Variants in CCDC88A observed in about 807,000 individuals in gnomAD.
CCDC88A encodes the protein coiled-coil and HOOK domain protein 88A.
Under a neutral mutation model 234.3 loss-of-function variants are expected in CCDC88A, and 54 were observed. The ratio of observed to expected loss-of-function variants is 0.23; its 90% CI spans 0.19 to 0.29. The LOEUF is 0.29. Among genes scored for constraint, CCDC88A ranks in the 10% least tolerant of loss-of-function variants. CCDC88A has a pLI of 1.00. For synonymous variants in CCDC88A, 753 were observed against 737.8 expected (o/e 1.02, Z -0.33); for missense variants, 1,832 against 2,123.4 (o/e 0.86, Z 2.70).
Position 55,374,904 on chromosome 2 carries a change from CT to C in CCDC88A, c.274-22del, listed in dbSNP as rs763232303. On this transcript the variant is annotated intron_variant, in intron 3 of 32. Coordinates refer to ENST00000436346, the MANE Select transcript of CCDC88A (RefSeq NM_001365480.1). ...GTCTCCTGTAAAAAAATATCCAACA[CT>C]TGTTATATGGGTAATGCTAACTAGA... The C allele has an allele frequency of 8.8e-6, 13 of 1,475,960 alleles. No homozygotes were observed. In the East Asian group the frequency reaches 3.0e-4, roughly 34 times the overall value. The allele number at this position is 1,475,960 out of a possible 1,614,324, so 91.4% of individuals were successfully genotyped here. A position where few individuals can be genotyped will look rare whatever the true frequency, so the allele number is the denominator to read the frequency against.
chr2:55,318,647 G>T (rs1683250390), intron 19 of CCDC88A, among the ~76,000 whole-genome samples, 196 bp downstream of exon 19: 1 of 152,104 alleles, frequency 6.6e-6, no homozygotes, highest in Non-Finnish European at 1.5e-5. Flanking sequence ...TCTTTATTCA[G>T]ATGTATTGAC....
At chr2:55,318,424 G>A (rs1396145160) in intron 19 of CCDC88A, among the ~76,000 whole-genome samples, 2 of 152,048 alleles carry the variant, frequency 1.3e-5, no homozygotes, top group Non-Finnish European at 2.9e-5. Flanking sequence ...GACACTGGCG[G>A]TGTTAAGTGA....
At chr2:55,336,640 A>T in intron 14 of CCDC88A, 41 bp downstream of exon 14, 1 of 1,307,852 alleles carries the variant, frequency 7.6e-7, no homozygotes, top group Non-Finnish European at 1.0e-6. Flanking sequence ...TTGCTAATAA[A>T]TTTTAAAATA....
At chr2:55,385,258 TGAA>T (rs1334350686) in intron 3 of CCDC88A, among the ~76,000 whole-genome samples, 2 of 151,940 alleles carry the variant, frequency 1.3e-5, no homozygotes, top group African/African-American at 4.8e-5. Context: ...TTTAAATATC[TGAA>T]GAAAAGAAAA....
rs187756431 is a variant in CCDC88A, at chr2:55,333,767, A to G, written c.2727+327T>C. ...TGGCACACAGCACTCAATAAATAGT[A>G]GCTATCATGCTTCTTTATTATACTT... On this transcript the variant is annotated intron_variant, in intron 15 of 32. Coordinates refer to ENST00000436346, the MANE Select transcript of CCDC88A (RefSeq NM_001365480.1). Among the ~76,000 whole-genome samples the G allele has an allele frequency of 1.0e-3, 157 of 152,230 alleles. 2 individuals carry two copies. In the East Asian group the frequency reaches 0.017, roughly 17 times the overall value.
chr2:55,294,765 A>G, intron 31 of CCDC88A: 2 of 1,003,664 alleles, frequency 2.0e-6, no homozygotes, highest in Non-Finnish European at 2.4e-6. Context: ...ATGCTTCTGG[A>G]TATCAAAGTA....
chr2:55,321,950 T>G (rs1026814437), intron 18 of CCDC88A, among the ~76,000 whole-genome samples: 1 of 151,090 alleles, frequency 6.6e-6, no homozygotes, highest in African/African-American at 2.4e-5. Context: ...CCACCACAAC[T>G]ATTTTACTTG....
intron 25 of CCDC88A, 128 bp from the exon 26 acceptor site, chr2:55,303,280 A>G (rs983651858): frequency 2.0e-5 from 13 of 660,794 alleles, no homozygotes; most frequent in African/African-American, 3.6e-5. Flanking sequence ...TATGTATGCT[A>G]TATTAAGGCT....
chr2:55,363,872 G>A, intron 6 of CCDC88A, 78 bp downstream of exon 6: 2 of 701,454 alleles, frequency 2.9e-6, no homozygotes, highest in Non-Finnish European at 4.7e-6. Context: ...CTATGACTTT[G>A]AAGTATTTTA....
At chr2:55,359,803 G>A (rs913972946) in intron 7 of CCDC88A, among the ~76,000 whole-genome samples, 4 of 151,620 alleles carry the variant, frequency 2.6e-5, no homozygotes, top group Non-Finnish European at 5.9e-5. Flanking sequence ...CAAAAACCAG[G>A]TGTTTCTTAA....
At chr2:55,343,376 G>C (rs1339148484) in intron 12 of CCDC88A, among the ~76,000 whole-genome samples, 2 of 152,060 alleles carry the variant, frequency 1.3e-5, no homozygotes, top group South Asian at 2.1e-4. Flanking sequence ...TTAATAAACT[G>C]ATATTGCAGC....
At chr2:55,391,977 T>C (rs1015056972) in intron 2 of CCDC88A, among the ~76,000 whole-genome samples, 1 of 152,216 alleles carries the variant, frequency 6.6e-6, no homozygotes, top group Non-Finnish European at 1.5e-5. Context: ...TTGATGTACA[T>C]GAACTAGACA....
At chr2:55,325,668 A>C (rs967701629) in intron 17 of CCDC88A, among the ~76,000 whole-genome samples, 1 of 152,148 alleles carries the variant, frequency 6.6e-6, no homozygotes, top group Non-Finnish European at 1.5e-5. Flanking sequence ...TGGTAGATGA[A>C]GTTCTTTCTA....
chr2:55,328,530 G>T lies in CCDC88A; in HGVS notation c.2856-95C>A. 1 of 854,650 alleles carries T rather than the reference G, an allele frequency of 1.2e-6. No homozygotes were observed. Among genetic ancestry groups the T allele is most frequent in the Non-Finnish European group, 1.7e-6 (1 of 593,620 alleles). The allele number at this position is 854,650 out of a possible 1,614,324, so 52.9% of individuals were successfully genotyped here. ...CCACAAATATTCATGCCATAAATGG[G>T]TCTTATAAAAGCATTTTTGTTAAAG... On this transcript the variant is annotated intron_variant, in intron 16 of 32. Transcript: ENST00000436346. This position sits in a 1 kb window ranked among gnomAD's most constrained non-coding sequence, Gnocchi z 4.3.
intron 2 of CCDC88A, among the ~76,000 whole-genome samples, chr2:55,415,761 A>C (rs1487523537): frequency 6.6e-6 from 1 of 152,188 alleles, no homozygotes; most frequent in Non-Finnish European, 1.5e-5. Flanking sequence ...CTGAGAGCGA[A>C]CACCACCAAG....
intron 29 of CCDC88A, chr2:55,297,208 T>C (rs1341228099): frequency 7.2e-6 from 1 of 138,596 alleles, no homozygotes; most frequent in African/African-American, 2.7e-5. Flanking sequence ...TGCCTCACAA[T>C]TTAGGATAAG....
At chr2:55,355,541 C>G in intron 8 of CCDC88A, 38 bp downstream of exon 8, 1 of 1,559,612 alleles carries the variant, frequency 6.4e-7, no homozygotes, top group Non-Finnish European at 8.8e-7. Context: ...CCTTTGGGAC[C>G]ATATAAATTC....
chr2:55,356,388 C>A (rs539481481), intron 7 of CCDC88A: 3 of 151,968 alleles, frequency 2.0e-5, no homozygotes, highest in Non-Finnish European at 4.4e-5. Context: ...GTTTCTTTAT[C>A]CAATCTATCA....
At chr2:55,362,570 T>C (rs1263527708) in intron 6 of CCDC88A, 122 bp from the exon 7 acceptor site, 6 of 697,804 alleles carry the variant, frequency 8.6e-6, no homozygotes, top group South Asian at 2.8e-5. Flanking sequence ...AAAGCCAATA[T>C]GATGTTAAAA....
Sources: gnomAD v4.1 joint callset for allele counts (sites outside exome capture counted in the v4.1 genomes callset) on GRCh38, gnomAD v4.1.1 for gene constraint, Gnocchi (gnomAD v3.1) non-coding constraint, MANE v1.5 for transcripts, NCBI Gene and HGNC (gene_info 2026-07-23, HGNC 2026-07-21) for gene names.